KIRREL3: variants seen among roughly 807,000 people sequenced by gnomAD.
KIRREL3 encodes the protein kirre like nephrin family adhesion molecule 3.
Under a neutral mutation model 89.7 loss-of-function variants are expected in KIRREL3, and 36 were observed. The observed-to-expected ratio is 0.40, with a 90% CI of 0.31 to 0.53. KIRREL3 has a LOEUF of 0.53. KIRREL3 is among the 20% of genes least tolerant of loss of function. The pLI is 0.49. For synonymous variants in KIRREL3, 445 were observed against 441.4 expected, an observed-to-expected ratio of 1.01 and a Z score of -0.10; for missense variants, 864 against 1,056.6, an observed-to-expected ratio of 0.82 and a Z score of 2.53.
At chr11:126,840,770 G>T (rs1260279913) in intron 1 of KIRREL3, among the ~76,000 whole-genome samples, 1 of 152,148 alleles carries the variant, frequency 6.6e-6, no homozygotes, top group African/African-American at 2.4e-5. Context: ...AGCCCTCTGG[G>T]TTTTCAGGTT....
rs150056103 is a variant in KIRREL3, at chr11:126,429,167, T to C, written c.1806+12A>G. ...AGTCACGGGATGGGATGGGGCGTAA[T>C]TGCATTCTTACCATCAGCTGCTTGA... On this transcript the variant is annotated intron_variant, in intron 15 of 16. Coordinates refer to ENST00000525144, the MANE Select transcript of KIRREL3 (RefSeq NM_032531.4). This position sits in a 1 kb window ranked among gnomAD's most constrained non-coding sequence, Gnocchi z 5.2. 7.0e-6 allele frequency: 11 copies of C among 1,564,124 alleles called. No individual in the cohort carries two copies. The highest frequency in any genetic ancestry group is 2.2e-5 in the East Asian group (1 of 44,634).
At chr11:126,933,401 G>A (rs1163179349) in intron 1 of KIRREL3, among the ~76,000 whole-genome samples, 11 of 151,602 alleles carry the variant, frequency 7.3e-5, no homozygotes, top group Non-Finnish European at 1.0e-4. Flanking sequence ...CCTCCTTCAA[G>A]TCATCACGTT....
chr11:126,889,677 G>A (rs1720112226), intron 1 of KIRREL3, among the ~76,000 whole-genome samples: 2 of 152,140 alleles, frequency 1.3e-5, no homozygotes, highest in African/African-American at 4.8e-5. Context: ...ACGTTTTATT[G>A]GAACCTGCAC....
At chr11:126,597,985 C>T (rs572306480) in intron 1 of KIRREL3, among the ~76,000 whole-genome samples, 1 of 152,210 alleles carries the variant, frequency 6.6e-6, no homozygotes, top group South Asian at 2.1e-4. Flanking sequence ...CTGGCTTAGA[C>T]CCCTAAGAGA....
rs1261511722 is a variant in KIRREL3 at position 126,516,179 on chromosome 11, GC to G, written c.433+5135del. Among the ~76,000 whole-genome samples, 1 of 152,146 alleles carries G rather than the reference GC, an allele frequency of 6.6e-6. No homozygotes were observed. The highest frequency in any genetic ancestry group is 1.5e-5 in the Non-Finnish European group (1 of 68,022). On this transcript the variant is annotated intron_variant, in intron 4 of 16. Coordinates refer to ENST00000525144, the MANE Select transcript of KIRREL3 (RefSeq NM_032531.4). The surrounding 1 kb of genome is among the most constrained non-coding windows in gnomAD (Gnocchi z 4.9). Reference sequence around the variant, plus strand: ...GGGGCTTGACATCATTTAAAAAGATGCCCTCTTTATTTGAATTGACTTAGTC... The same window carrying G: ...GGGGCTTGACATCATTTAAAAAGATGCCTCTTTATTTGAATTGACTTAGTC...
At chr11:126,916,461 G>A (rs556940410) in intron 1 of KIRREL3, among the ~76,000 whole-genome samples, 1 of 152,254 alleles carries the variant, frequency 6.6e-6, no homozygotes, top group African/African-American at 2.4e-5. Context: ...CACACTGTGA[G>A]GACAACTCAG....
At position 126,896,596 on chromosome 11, in the gene KIRREL3, G is replaced by A. The variant is rs1176101452; in HGVS notation, c.55+103859C>T. On this transcript the variant is annotated intron_variant, in intron 1 of 16. Transcript: ENST00000525144. This position sits in a 1 kb window ranked among gnomAD's most constrained non-coding sequence, Gnocchi z 4.1. ...TATCCTAGAAAGCTGTGTAGAGAACGTGGGGCCTGTCCATGGGCTTCAGTG... is the reference window on the plus strand; with the variant it reads ...TATCCTAGAAAGCTGTGTAGAGAACATGGGGCCTGTCCATGGGCTTCAGTG... Among the ~76,000 whole-genome samples, 4 of 152,116 alleles carry A rather than the reference G, an allele frequency of 2.6e-5. No homozygotes were observed. Among genetic ancestry groups the A allele is most frequent in the African/African-American group, 4.8e-5 (2 of 41,430 alleles).
intron 1 of KIRREL3, among the ~76,000 whole-genome samples, chr11:126,625,147 A>G (rs1300467253): frequency 6.6e-6 from 1 of 152,098 alleles, no homozygotes; most frequent in African/African-American, 2.4e-5. Context: ...CCTGTGCCCT[A>G]CTTGATCTGA....
intron 1 of KIRREL3, among the ~76,000 whole-genome samples, chr11:126,659,849 A>G (rs1326197563): frequency 6.6e-6 from 1 of 152,236 alleles, no homozygotes; most frequent in African/African-American, 2.4e-5. Flanking sequence ...CTTATGTTCA[A>G]TAAAGTTTGA....
rs1303044998 is a variant in KIRREL3 at position 126,647,108 on chromosome 11, C to A, written c.56-84196G>T. The stretch of plus-strand genomic sequence containing the variant: ...AACCACTGACAAACAGGAGGCTCGG[C>A]ACTTTTCATTTTAGGCACTTTTCTA... On this transcript the variant is annotated intron_variant, in intron 1 of 16. Transcript: ENST00000525144. The surrounding 1 kb of genome is among the most constrained non-coding windows in gnomAD (Gnocchi z 4.9). 6.6e-6 allele frequency among the ~76,000 whole-genome samples: 1 copy of A among 152,184 alleles called. No individual in the cohort carries two copies. Among genetic ancestry groups the A allele is most frequent in the Non-Finnish European group, 1.5e-5 (1 of 68,042 alleles).
At position 126,639,324 on chromosome 11, in the gene KIRREL3, G is replaced by A. The variant is rs1944382513; in HGVS notation, c.56-76412C>T. ...GATCTAGGCAGCTATTTGTATTTCT[G>A]TTTGGATTTTTGGGTCCTTTTCTTT... On this transcript the variant is annotated intron_variant, in intron 1 of 16. Coordinates refer to ENST00000525144, the MANE Select transcript of KIRREL3 (RefSeq NM_032531.4). The surrounding 1 kb of genome is among the most constrained non-coding windows in gnomAD (Gnocchi z 4.3). 6.6e-6 allele frequency among the ~76,000 whole-genome samples: 1 copy of A among 152,176 alleles called. No homozygotes were observed. The highest frequency in any genetic ancestry group is 1.5e-5 in the Non-Finnish European group (1 of 68,014).
In KIRREL3 at chr11:126,574,664, G is replaced by T. The variant is rs1311411000; in HGVS notation, c.56-11752C>A. Among the ~76,000 whole-genome samples the T allele has an allele frequency of 6.6e-6, 1 of 152,136 alleles. No homozygotes were observed. Among genetic ancestry groups the T allele is most frequent in the Non-Finnish European group, 1.5e-5 (1 of 68,028 alleles). ...CCAGAGCAAAGGACGAGGGTGGCTG[G>T]GATAGTGTGTGCTTACATGTGTGCA... On this transcript the variant is annotated intron_variant, in intron 1 of 16. Transcript: ENST00000525144. The surrounding 1 kb of genome is among the most constrained non-coding windows in gnomAD (Gnocchi z 5.3).
Position 126,525,639 on chromosome 11 carries a change from T to C in KIRREL3, c.283+899A>G, listed in dbSNP as rs183545412. Among the ~76,000 whole-genome samples, 1 of 152,216 alleles carries C rather than the reference T, an allele frequency of 6.6e-6. No homozygotes were observed. The highest frequency in any genetic ancestry group is 6.5e-5 in the Admixed American group (1 of 15,288). ...GCAAAGTTACTTCTCAGCTGAATAA[T>C]ATTTTTCTCTCCTCCTCCACCCTTA... is the stretch of plus-strand genomic sequence containing the variant. On this transcript the variant is annotated intron_variant, in intron 3 of 16. Transcript: ENST00000525144. This position sits in a 1 kb window ranked among gnomAD's most constrained non-coding sequence, Gnocchi z 5.4.
chr11:126,853,999 G>C (rs1461866398), intron 1 of KIRREL3, among the ~76,000 whole-genome samples: 1 of 151,970 alleles, frequency 6.6e-6, no homozygotes, highest in African/African-American at 2.4e-5. Context: ...CATCTCATGG[G>C]AGTCTCCTCT....
intron 10 of KIRREL3, among the ~76,000 whole-genome samples, chr11:126,444,647 T>G (rs1289108609): frequency 6.6e-6 from 1 of 152,096 alleles, no homozygotes; most frequent in African/African-American, 2.4e-5. Flanking sequence ...GGTGAGTGGA[T>G]GAAAGGGTGG....
chr11:126,820,084 C>T (rs144874196), intron 1 of KIRREL3, among the ~76,000 whole-genome samples: 136 of 152,350 alleles, frequency 8.9e-4, no homozygotes, highest in African/African-American at 3.1e-3. Flanking sequence ...ATGCTAGGCA[C>T]TATTCTAAGT....
chr11:126,707,714 C>A (rs911763822), intron 1 of KIRREL3, among the ~76,000 whole-genome samples: 1 of 152,170 alleles, frequency 6.6e-6, no homozygotes, highest in Non-Finnish European at 1.5e-5. Context: ...TTCTATTCCC[C>A]CTGTGGATTC....
At chr11:126,679,016 G>T (rs1946331787) in intron 1 of KIRREL3, among the ~76,000 whole-genome samples, 1 of 152,238 alleles carries the variant, frequency 6.6e-6, no homozygotes, top group Non-Finnish European at 1.5e-5. Flanking sequence ...GATGTAAGGA[G>T]AACTCTGCTG....
Position 126,645,698 on chromosome 11 carries a change from G to A in KIRREL3, c.56-82786C>T, listed in dbSNP as rs1440312177. Among the ~76,000 whole-genome samples the A allele has an allele frequency of 6.6e-6, 1 of 152,198 alleles. No individual in the cohort carries two copies. Among genetic ancestry groups the A allele is most frequent in the East Asian group, 1.9e-4 (1 of 5,204 alleles). On this transcript the variant is annotated intron_variant, in intron 1 of 16. Coordinates refer to ENST00000525144, the MANE Select transcript of KIRREL3 (RefSeq NM_032531.4). The surrounding 1 kb of genome is among the most constrained non-coding windows in gnomAD (Gnocchi z 4.9). ...TTAAAAACACACACAGCTCTTCAGG[G>A]AACATTTCCCTGCCTCCCATTCTCC...
Sources: gnomAD v4.1 joint callset for allele counts (sites outside exome capture counted in the v4.1 genomes callset) on GRCh38, gnomAD v4.1.1 for gene constraint, Gnocchi (gnomAD v3.1) non-coding constraint, MANE v1.5 for transcripts, NCBI Gene and HGNC (gene_info 2026-07-23, HGNC 2026-07-21) for gene names.